Variants in MYO9B observed in about 807,000 individuals in gnomAD.
MYO9B encodes the protein myosin IXB.
MYO9B carries 71 observed loss-of-function variants against 229.5 expected under a neutral mutation model. That is an observed-to-expected ratio of 0.31 (90% CI 0.26 to 0.38). The LOEUF (loss-of-function observed/expected upper bound fraction) is 0.38, where lower values mean the gene tolerates loss of function less well. Ranked by LOEUF, MYO9B falls within the 10% of genes least tolerant of loss-of-function variation. The pLI, the probability that MYO9B is intolerant of heterozygous loss-of-function variation, is 1.00. For missense variants in MYO9B, 2,255 were observed against 2,920.5 expected (o/e 0.77, Z 5.25); for synonymous variants, 1,185 against 1,235.8 (o/e 0.96, Z 0.86).
intron 5 of MYO9B, 42 bp from the exon 6 acceptor site, chr19:17,154,273 C>T (rs374578530): frequency 1.4e-5 from 22 of 1,576,982 alleles, no homozygotes; most frequent in African/African-American, 2.7e-5. Context: ...CCACCCTTGC[C>T]GGCCCAGGAA....
chr19:17,171,641 G>A (rs1355307479), intron 11 of MYO9B, among the ~76,000 whole-genome samples: 2 of 152,160 alleles, frequency 1.3e-5, no homozygotes, highest in African/African-American at 4.8e-5. Context: ...CTCAGGCACT[G>A]GGCTACTCAA....
At chr19:17,203,612 CA>C (rs5827362) in intron 30 of MYO9B, among the ~76,000 whole-genome samples, 61,380 of 119,348 alleles carry the variant, frequency 0.51, 15,208 homozygotes, top group East Asian at 0.75. Flanking sequence ...GACTCTGTCT[CA>C]AAAAAAAAAA....
intron 23 of MYO9B, 118 bp from the exon 24 acceptor site, chr19:17,198,066 A>G: frequency 6.8e-7 from 1 of 1,475,638 alleles, no homozygotes; most frequent in Admixed American, 2.4e-5. Context: ...CCGTTTCAAA[A>G]AAAAAAAAAG....
chr19:17,150,591 G>T (rs751556893), intron 3 of MYO9B, among the ~76,000 whole-genome samples: 2 of 98,794 alleles, frequency 2.0e-5, no homozygotes, highest in Non-Finnish European at 5.6e-5. Context: ...TGGTGATGGC[G>T]GACCCTGTGA....
chr19:17,211,804 C>G (rs939816881), intron 39 of MYO9B, 30 bp downstream of exon 39: 1 of 1,612,376 alleles, frequency 6.2e-7, no homozygotes. Flanking sequence ...CTGCTTTTCT[C>G]CTTCCCGTCC....
intron 2 of MYO9B, among the ~76,000 whole-genome samples, chr19:17,136,197 G>A (rs544885233): frequency 3.3e-5 from 5 of 152,160 alleles, no homozygotes; most frequent in East Asian, 1.9e-4. Flanking sequence ...GCTGGGCTTC[G>A]TGCTGTCAGG....
chr19:17,172,867 G>A lies in MYO9B; in HGVS notation c.2044G>A (p.Val682Met), dbSNP rs1568284597. 6.8e-6 allele frequency: 11 copies of A among 1,607,446 alleles called. No homozygotes were observed. The highest frequency in any genetic ancestry group is 2.2e-5 in the East Asian group (1 of 44,884). The change falls in exon 13 of 40, where the codon GTG becomes ATG. Residue 682 changes from valine (V) to methionine (M), a missense_variant. Around this residue, in one of 7 missense-constraint regions of MYO9B, gnomAD observed 220 missense variants for 404.5 expected, o/e 0.54. Coordinates refer to ENST00000682292, the MANE Select transcript of MYO9B (RefSeq NM_004145.4). The surrounding 1 kb of genome is among the most constrained non-coding windows in gnomAD (Gnocchi z 8.2). ...RELIGMDPVA[V>M]FRWAVLRAAI... The stretch of plus-strand genomic sequence containing the variant: ...GCTCATCGGCATGGACCCCGTGGCC[G>A]TGTTCCGCTGGGCCGTGCTCCGGGC...
intron 11 of MYO9B, among the ~76,000 whole-genome samples, chr19:17,168,424 C>T (rs903878261): frequency 6.6e-6 from 1 of 152,204 alleles, no homozygotes; most frequent in East Asian, 1.9e-4. Flanking sequence ...CCTTGGCCTC[C>T]GAGAGTACTG....
At chr19:17,134,484 C>T (rs962038493) in intron 2 of MYO9B, among the ~76,000 whole-genome samples, 4 of 141,984 alleles carry the variant, frequency 2.8e-5, no homozygotes, top group East Asian at 2.2e-4. Flanking sequence ...CTCTGCCTCT[C>T]GGTTTCAAGC....
chr19:17,101,977 G>A lies in MYO9B; in HGVS notation c.260G>A (p.Arg87Gln), dbSNP rs1164631624. 2.5e-6 allele frequency: 4 copies of A among 1,613,108 alleles called. No individual in the cohort carries two copies. The highest frequency in any genetic ancestry group is 3.4e-6 in the Non-Finnish European group (4 of 1,179,858). ...GACGCCAACGACTCGCCTGTGCACC[G>A]GGTGCTGCTATGGCCCCGGCGGGCA... The part of the protein sequence containing the change: ...VLDANDSPVH[R>Q]VLLWPRRAQD... The change falls in exon 2 of 40, where the codon CGG (arginine) becomes CAG (glutamine). Residue 87 changes from arginine (R) to glutamine (Q), a missense_variant. Arg to Gln is a conservative substitution (Grantham distance 43). This residue lies in a region of MYO9B where 386 missense variants were observed against 515.2 expected (regional missense o/e 0.75). Coordinates refer to ENST00000682292, the MANE Select transcript of MYO9B (RefSeq NM_004145.4). The surrounding 1 kb of genome is among the most constrained non-coding windows in gnomAD (Gnocchi z 4.7).
rs772740209 is a variant in MYO9B at position 17,212,201 on chromosome 19, G to T, written c.6365G>T (p.Gly2122Val). Residue 2122 changes from glycine to valine, a missense_variant, in exon 40 of 40, where the codon GGC (glycine) becomes GTC (valine). Transcript: ENST00000682292. The surrounding 1 kb of genome is among the most constrained non-coding windows in gnomAD (Gnocchi z 5.4). Reference sequence around the variant, plus strand: ...CCCGGGGCAGACCTGCCAGTGCAGGGCGCCCTGGAGCCCCTAGAAGAGGAT... The same window carrying T: ...CCCGGGGCAGACCTGCCAGTGCAGGTCGCCCTGGAGCCCCTAGAAGAGGAT... ...ITPGADLPVQ[G>V]ALEPLEEDGQ... 4 of 1,582,038 alleles carry T rather than the reference G, an allele frequency of 2.5e-6. No individual in the cohort carries two copies. The Admixed American group carries it at 7.3e-5, about 29-fold the overall frequency.
chr19:17,096,482 C>T (rs978612717), intron 1 of MYO9B, among the ~76,000 whole-genome samples: 1 of 151,194 alleles, frequency 6.6e-6, no homozygotes, highest in African/African-American at 2.4e-5. Context: ...AAAACCCCCT[C>T]TCTGCAAAAA....
At chr19:17,115,255 A>G (rs2057890279) in intron 2 of MYO9B, among the ~76,000 whole-genome samples, 1 of 152,112 alleles carries the variant, frequency 6.6e-6, no homozygotes, top group Admixed American at 6.5e-5. Flanking sequence ...TTGGTGCATA[A>G]CCATGCCCAT....
intron 10 of MYO9B, among the ~76,000 whole-genome samples, 178 bp downstream of exon 10, chr19:17,163,300 C>A (rs370610084): frequency 2.0e-5 from 3 of 151,700 alleles, no homozygotes; most frequent in Non-Finnish European, 1.5e-5. Context: ...TTTTGCCAAA[C>A]TGAGACTCTG....
chr19:17,110,509 G>T (rs1248179688), intron 2 of MYO9B, among the ~76,000 whole-genome samples: 1 of 152,194 alleles, frequency 6.6e-6, no homozygotes, highest in Non-Finnish European at 1.5e-5. Flanking sequence ...CCAGGCACTC[G>T]CCTCGGTGCC....
rs539314280 is a variant in MYO9B, at chr19:17,210,391, G to A, written c.5796+11G>A. The A allele has an allele frequency of 1.6e-5, 25 of 1,588,286 alleles. No homozygotes were observed. The East Asian group carries it at 4.1e-4, about 26-fold the overall frequency. On this transcript the variant is annotated intron_variant, in intron 37 of 39. Transcript: ENST00000682292. ...TATGAGGGGGTCCTGGTATGTACGC[G>A]TTCGGTGGGCCCGCGGTGCATGTCT...
chr19:17,109,760 C>T (rs142998783), intron 2 of MYO9B, among the ~76,000 whole-genome samples: 5 of 152,330 alleles, frequency 3.3e-5, no homozygotes, highest in East Asian at 3.9e-4. Flanking sequence ...CCGTCGTCAC[C>T]TGGTCTTCTC....
intron 2 of MYO9B, among the ~76,000 whole-genome samples, chr19:17,141,263 C>G (rs1291159111): frequency 6.6e-6 from 1 of 152,120 alleles, no homozygotes; most frequent in Non-Finnish European, 1.5e-5. Context: ...CCACCTACCC[C>G]ACCCCCTACA....
In MYO9B at chr19:17,195,334, G is replaced by T. The variant is rs552998341; in HGVS notation, c.3907G>T (p.Ala1303Ser). Residue 1303 changes from alanine (A) to serine (S), a missense_variant, in exon 22 of 40, where the codon GCC becomes TCC. Around this residue, in one of 7 missense-constraint regions of MYO9B, gnomAD observed 679 missense variants for 770.2 expected, o/e 0.88. Transcript: ENST00000682292. This position sits in a 1 kb window ranked among gnomAD's most constrained non-coding sequence, Gnocchi z 4.5. ...CACGCAGATCCAGCGGTACCTGGAC[G>T]CCGAGCGGCTGGCCAGCGCCGTGGA... is the stretch of plus-strand genomic sequence containing the variant. ...GSTQIQRYLD[A>S]ERLASAVELW... is the part of the protein sequence containing the mutation. The T allele has an allele frequency of 6.2e-7, 1 of 1,612,438 alleles. No individual in the cohort carries two copies. Among genetic ancestry groups the T allele is most frequent in the African/African-American group, 1.3e-5 (1 of 74,930 alleles).
Sources: gnomAD v4.1 joint callset for allele counts (sites outside exome capture counted in the v4.1 genomes callset) on GRCh38, gnomAD v4.1.1 for gene constraint, gnomAD v4.1.1 regional missense constraint, Gnocchi (gnomAD v3.1) non-coding constraint, MANE v1.5 for transcripts, NCBI Gene and HGNC (gene_info 2026-07-23, HGNC 2026-07-21) for gene names.